ZNF670: variants seen among roughly 807,000 people sequenced by gnomAD.
ZNF670 encodes zinc finger protein 670.
In ZNF670, 7 loss-of-function variants were observed where a neutral mutation model predicts 10.9. The ratio of observed to expected loss-of-function variants is 0.64; its 90% CI spans 0.36 to 1.20. The LOEUF (loss-of-function observed/expected upper bound fraction) is 1.20. Ranked by LOEUF, ZNF670 falls within the 50% of genes most tolerant of loss-of-function variation. The pLI is 0.02. For missense variants in ZNF670, 446 were observed against 458.6 expected (o/e 0.97, Z 0.25); for synonymous variants, 136 against 152.7 (o/e 0.89, Z 0.81).
At chr1:247,054,232 G>A (rs763900787) in intron 1 of ZNF670, among the ~76,000 whole-genome samples, 12 of 152,178 alleles carry the variant, frequency 7.9e-5, no homozygotes, top group Non-Finnish European at 1.6e-4. Flanking sequence ...CACCTGAAAG[G>A]CAGTCTAAGC....
intron 1 of ZNF670, among the ~76,000 whole-genome samples, chr1:247,057,390 A>G (rs1395895735): frequency 1.3e-5 from 2 of 152,196 alleles, no homozygotes; most frequent in African/African-American, 4.8e-5. Flanking sequence ...GTGGTTGTGG[A>G]AATGTAAATT....
chr1:247,058,791 T>A (rs188596752), intron 1 of ZNF670, among the ~76,000 whole-genome samples: 2 of 147,032 alleles, frequency 1.4e-5, no homozygotes, highest in East Asian at 4.0e-4. Flanking sequence ...AATGAACCAA[T>A]CCTTTGAAAA....
Position 247,039,510 on chromosome 1 carries a change from C to A in ZNF670, c.31G>T (p.Val11Leu), listed in dbSNP as rs1269849912. 1 of 1,599,224 alleles carries A rather than the reference C, an allele frequency of 6.3e-7. No individual in the cohort carries two copies. Among genetic ancestry groups the A allele is most frequent in the African/African-American group, 1.4e-5 (1 of 73,568 alleles). ...GCCCACTCCTCCTGAGTAAAGGCCA[C>A]AGCCACATCTTCAAATGACACTGAA... The part of the protein sequence containing the change: MDSVSFEDVA[V>L]AFTQEEWALL... The change falls in exon 2 of 4, where the codon GTG (valine) becomes TTG (leucine). Residue 11 changes from valine (V) to leucine (L), a missense_variant. Physicochemically the swap from Val to Leu is conservative, Grantham distance 32. Coordinates refer to ENST00000366503, the MANE Select transcript of ZNF670 (RefSeq NM_033213.5).
chr1:247,076,536 G>A (rs940514552), intron 1 of ZNF670, among the ~76,000 whole-genome samples: 2 of 152,090 alleles, frequency 1.3e-5, no homozygotes, highest in African/African-American at 2.4e-5. Flanking sequence ...GATTACAGGC[G>A]TGAGCCACCG....
chr1:247,077,561 T>C (rs4925622), intron 1 of ZNF670, among the ~76,000 whole-genome samples: 54,983 of 152,064 alleles, frequency 0.36, 11,620 homozygotes, highest in African/African-American at 0.58. Context: ...TCATGTGTAA[T>C]GTTCAGAAAT....
intron 1 of ZNF670, among the ~76,000 whole-genome samples, chr1:247,046,162 C>A (rs1572558958): frequency 6.6e-6 from 1 of 152,246 alleles, no homozygotes; most frequent in East Asian, 1.9e-4. Flanking sequence ...AAATGTGCAA[C>A]CTGGCCCTGT....
intron 1 of ZNF670, among the ~76,000 whole-genome samples, chr1:247,061,907 AG>A (rs1398280408): frequency 6.6e-6 from 1 of 152,230 alleles, no homozygotes; most frequent in African/African-American, 2.4e-5. Context: ...CAAAATGATA[AG>A]GGTGATCTAA....
intron 1 of ZNF670, among the ~76,000 whole-genome samples, chr1:247,064,997 C>T (rs1188095730): frequency 2.0e-5 from 3 of 151,942 alleles, no homozygotes; most frequent in Non-Finnish European, 4.4e-5. Flanking sequence ...TTTGTAGAGA[C>T]GGGGTTTTAC....
chr1:247,042,938 A>C, intron 1 of ZNF670: 1 of 689,494 alleles, frequency 1.5e-6, no homozygotes, highest in Admixed American at 2.0e-5. Flanking sequence ...ATTCACATTG[A>C]AAGATGACAT....
chr1:247,039,060 CTTT>C (rs3078762), intron 2 of ZNF670, among the ~76,000 whole-genome samples, 190 bp from the exon 3 acceptor site: 3 of 125,636 alleles, frequency 2.4e-5, no homozygotes, highest in Non-Finnish European at 3.3e-5. Flanking sequence ...TTCTTTCTTT[CTTT>C]TTTTTTTTTT....
In ZNF670 at chr1:247,037,652, T is replaced by G; in HGVS notation, c.967A>C (p.Asn323His). The G allele has an allele frequency of 1.2e-6, 2 of 1,613,928 alleles. No individual in the cohort carries two copies. Among genetic ancestry groups the G allele is most frequent in the Non-Finnish European group, 8.5e-7 (1 of 1,179,932 alleles). Residue 323 changes from asparagine (N) to histidine (H), a missense_variant, in exon 4 of 4, where the codon AAC (asparagine) becomes CAC (histidine). Transcript: ENST00000366503. The part of the protein sequence containing the change: ...QCGKAFKYSS[N>H]LCEHERTHTG... ...TGAGTTCTTTCATGCTCACATAGGT[T>G]ACTAGAATATTTGAAGGCTTTACCA...
intron 1 of ZNF670, among the ~76,000 whole-genome samples, chr1:247,045,616 A>G (rs1481343929): frequency 6.6e-6 from 1 of 152,188 alleles, no homozygotes; most frequent in Non-Finnish European, 1.5e-5. Context: ...CTTTCTTTAT[A>G]AACTACCCAG....
chr1:247,053,809 T>A (rs1670654969), intron 1 of ZNF670, among the ~76,000 whole-genome samples: 1 of 152,192 alleles, frequency 6.6e-6, no homozygotes, highest in Non-Finnish European at 1.5e-5. Flanking sequence ...GAAGGCTCCA[T>A]CTGTCATCCA....
chr1:247,054,118 T>C (rs555255603), intron 1 of ZNF670, among the ~76,000 whole-genome samples: 37 of 152,340 alleles, frequency 2.4e-4, no homozygotes, highest in African/African-American at 8.4e-4. Flanking sequence ...AGAGGAAACA[T>C]TTAGACCGTC....
intron 1 of ZNF670, among the ~76,000 whole-genome samples, chr1:247,055,008 G>GA (rs1254800913): frequency 3.3e-5 from 5 of 152,068 alleles, no homozygotes; most frequent in Non-Finnish European, 7.4e-5. Flanking sequence ...GAAACTGCCT[G>GA]AAAAAAATCA....
intron 1 of ZNF670, among the ~76,000 whole-genome samples, chr1:247,058,550 T>C (rs1670773817): frequency 6.6e-6 from 1 of 151,278 alleles, no homozygotes; most frequent in Admixed American, 6.6e-5. Flanking sequence ...AAACAAGAAG[T>C]CAATACAGAA....
intron 1 of ZNF670, among the ~76,000 whole-genome samples, chr1:247,064,094 C>T (rs1670928740): frequency 6.6e-6 from 1 of 152,246 alleles, no homozygotes; most frequent in Non-Finnish European, 1.5e-5. Flanking sequence ...GATCCCCATC[C>T]TGCACACTCA....
At chr1:247,038,521 A>C in intron 3 of ZNF670, 94 bp from the exon 4 acceptor site, 5 of 1,307,644 alleles carry the variant, frequency 3.8e-6, no homozygotes, top group Non-Finnish European at 5.2e-6. Context: ...GCCATATCTA[A>C]ATTGTTTTAA....
At chr1:247,042,459 T>G (rs533967898) in intron 1 of ZNF670, among the ~76,000 whole-genome samples, 2 of 152,328 alleles carry the variant, frequency 1.3e-5, no homozygotes, top group Admixed American at 6.5e-5. Context: ...AGGTCAGGCC[T>G]TTCAAGGTGG....
Sources: allele counts gnomAD v4.1 joint callset (sites outside exome capture counted in the v4.1 genomes callset), GRCh38; gene constraint gnomAD v4.1.1; transcripts MANE v1.5; gene names NCBI Gene and HGNC (gene_info 2026-07-23, HGNC 2026-07-21).